PDZRN4: variants seen among roughly 807,000 people sequenced by gnomAD.
PDZRN4 encodes the protein PDZ domain-containing RING finger protein 4.
Under a neutral mutation model 99.0 loss-of-function variants are expected in PDZRN4, and 70 were observed. That is an observed-to-expected ratio of 0.71 (90% CI 0.58 to 0.86). PDZRN4 has a LOEUF of 0.86. Among genes scored for constraint, PDZRN4 ranks in the 40% least tolerant of loss-of-function variants. The probability of loss-of-function intolerance (pLI) is 0.00; values close to 1 mark genes in which losing one functional copy is unlikely to be tolerated. For missense variants in PDZRN4, 1,474 were observed against 1,331.2 expected, an observed-to-expected ratio of 1.11 and a Z score of -1.67; for synonymous variants, 551 against 501.6, an observed-to-expected ratio of 1.10 and a Z score of -1.32.
rs551899835 is a variant in PDZRN4, at chr12:41,531,979, C to T, written c.1204-20677C>T. ...ATTAATTTTTTTATGGTTCATGATTCTTCTATCTAGTCTAAAAAAATCTTT... is the reference window on the plus strand; with the variant it reads ...ATTAATTTTTTTATGGTTCATGATTTTTCTATCTAGTCTAAAAAAATCTTT... On this transcript the variant is annotated intron_variant, in intron 5 of 9. Transcript: ENST00000402685. Among the ~76,000 whole-genome samples, 5 of 152,018 alleles carry T rather than the reference C, an allele frequency of 3.3e-5. No individual in the cohort carries two copies. In the South Asian group the frequency reaches 8.3e-4, roughly 25 times the overall value.
chr12:41,561,181 A>C (rs1354625585), intron 7 of PDZRN4, among the ~76,000 whole-genome samples: 1 of 152,200 alleles, frequency 6.6e-6, no homozygotes, highest in African/African-American at 2.4e-5. Flanking sequence ...TTAGAAATAC[A>C]TATGAGGTAG....
At chr12:41,408,400 T>C (rs975643831) in intron 3 of PDZRN4, among the ~76,000 whole-genome samples, 8 of 152,232 alleles carry the variant, frequency 5.3e-5, no homozygotes, top group South Asian at 2.1e-4. Context: ...GTACACATAG[T>C]GGAGCTCCCT....
chr12:41,210,561 G>T (rs1030888993), intron 3 of PDZRN4, among the ~76,000 whole-genome samples: 1 of 151,884 alleles, frequency 6.6e-6, no homozygotes, highest in Admixed American at 6.6e-5. Context: ...AGCAATTGAT[G>T]AACATTTTTA....
At chr12:41,273,963 A>T (rs567901477) in intron 3 of PDZRN4, among the ~76,000 whole-genome samples, 221 of 152,230 alleles carry the variant, frequency 1.5e-3, no homozygotes, top group Middle Eastern at 3.4e-3. Context: ...CTTGGTCAGC[A>T]ACCATAGAAA....
At chr12:41,433,568 T>G (rs1952602874) in intron 3 of PDZRN4, among the ~76,000 whole-genome samples, 1 of 152,206 alleles carries the variant, frequency 6.6e-6, no homozygotes, top group Non-Finnish European at 1.5e-5. Context: ...CAGGCAGAGT[T>G]GGAAGATCTG....
At chr12:41,204,322 G>A (rs922422778) in intron 3 of PDZRN4, among the ~76,000 whole-genome samples, 1 of 151,994 alleles carries the variant, frequency 6.6e-6, no homozygotes, top group East Asian at 1.9e-4. Flanking sequence ...AAGACGGAGA[G>A]AGACAAAAGG....
At chr12:41,562,651 T>C (rs1224296669) in intron 7 of PDZRN4, among the ~76,000 whole-genome samples, 4 of 152,106 alleles carry the variant, frequency 2.6e-5, no homozygotes, top group Admixed American at 2.0e-4. Flanking sequence ...GAAAAAGTTT[T>C]ATTAATTAAG....
intron 6 of PDZRN4, among the ~76,000 whole-genome samples, chr12:41,553,154 T>A (rs550442004): frequency 7.2e-5 from 11 of 152,354 alleles, no homozygotes; most frequent in African/African-American, 2.6e-4. Flanking sequence ...CTACTCACAA[T>A]AATCACATCT....
intron 4 of PDZRN4, among the ~76,000 whole-genome samples, chr12:41,507,338 T>C (rs1938225943): frequency 6.6e-6 from 1 of 152,150 alleles, no homozygotes; most frequent in Non-Finnish European, 1.5e-5. Flanking sequence ...TCAGAGAGAT[T>C]TTATTCAAAT....
At chr12:41,208,787 A>C (rs1950867464) in intron 3 of PDZRN4, among the ~76,000 whole-genome samples, 1 of 151,986 alleles carries the variant, frequency 6.6e-6, no homozygotes, top group South Asian at 2.1e-4. Context: ...TTAAGGAAAC[A>C]AAGTGAAGAT....
chr12:41,442,031 A>G (rs1318189555), intron 3 of PDZRN4, among the ~76,000 whole-genome samples: 1 of 152,138 alleles, frequency 6.6e-6, no homozygotes, highest in Non-Finnish European at 1.5e-5. Context: ...CTGCTGGAAT[A>G]ATTTTCTAGA....
chr12:41,541,259 T>C (rs1448634997), intron 5 of PDZRN4, among the ~76,000 whole-genome samples: 1 of 151,656 alleles, frequency 6.6e-6, no homozygotes, highest in East Asian at 2.0e-4. Flanking sequence ...CTGCCTCCTT[T>C]GTCCTTACCC....
intron 3 of PDZRN4, among the ~76,000 whole-genome samples, chr12:41,415,331 A>G (rs995224763): frequency 6.7e-6 from 1 of 148,952 alleles, no homozygotes; most frequent in African/African-American, 2.4e-5. Flanking sequence ...ATGAAATAAT[A>G]TATATTACAA....
chr12:41,557,459 T>C (rs1939188322), intron 7 of PDZRN4, among the ~76,000 whole-genome samples: 1 of 152,184 alleles, frequency 6.6e-6, no homozygotes, highest in Non-Finnish European at 1.5e-5. Context: ...GACAAGATGT[T>C]GTCCCAGCAT....
intron 3 of PDZRN4, among the ~76,000 whole-genome samples, chr12:41,244,749 A>G (rs1008437360): frequency 4.7e-5 from 7 of 148,940 alleles, no homozygotes; most frequent in Admixed American, 4.0e-4. Flanking sequence ...CAGTGGCGCA[A>G]TCTCGGCTCA....
chr12:41,547,148 C>T (rs1042516520), intron 5 of PDZRN4, among the ~76,000 whole-genome samples: 10 of 151,084 alleles, frequency 6.6e-5, no homozygotes, highest in Admixed American at 4.6e-4. Flanking sequence ...AAAGATACAA[C>T]AAGCAAAATA....
chr12:41,442,477 T>G (rs1392526051), intron 3 of PDZRN4, among the ~76,000 whole-genome samples: 6 of 152,102 alleles, frequency 3.9e-5, no homozygotes, highest in Admixed American at 3.9e-4. Context: ...GCAGGCCAGG[T>G]GCTTGTTTGT....
intron 3 of PDZRN4, among the ~76,000 whole-genome samples, chr12:41,340,450 G>T (rs1951807756): frequency 6.6e-6 from 1 of 151,818 alleles, no homozygotes; most frequent in African/African-American, 2.4e-5. Flanking sequence ...GAGGTTGGGG[G>T]TGAGGAAGTA....
rs559470328 is a variant in PDZRN4, at chr12:41,278,794, A to G, written c.843+84606A>G. On this transcript the variant is annotated intron_variant, in intron 3 of 9. Coordinates refer to ENST00000402685, the MANE Select transcript of PDZRN4 (RefSeq NM_001164595.2). ...TATTCCAAACACTCCCATCCTTTGA[A>G]CTTTCTAATTTCTAAATATCTTCTT... is the stretch of plus-strand genomic sequence containing the variant. Among the ~76,000 whole-genome samples the G allele has an allele frequency of 1.6e-3, 247 of 152,304 alleles. 9 individuals are homozygous for G. The South Asian group carries it at 0.05, about 31-fold the overall frequency.
Sources: allele counts gnomAD v4.1 joint callset (sites outside exome capture counted in the v4.1 genomes callset), GRCh38; gene constraint gnomAD v4.1.1; transcripts MANE v1.5; gene names NCBI Gene and HGNC (gene_info 2026-07-23, HGNC 2026-07-21).